Variants in CLEC16A observed in about 807,000 individuals in gnomAD.
CLEC16A encodes protein CLEC16A.
Under a neutral mutation model 109.5 loss-of-function variants are expected in CLEC16A, and 51 were observed. The observed-to-expected ratio is 0.47, with a 90% CI of 0.37 to 0.59. The LOEUF is 0.59. Among genes scored for constraint, CLEC16A ranks in the 20% least tolerant of loss-of-function variants. The pLI is 0.00. For missense variants in CLEC16A, 1,339 were observed against 1,394.0 expected, an observed-to-expected ratio of 0.96 and a Z score of 0.63; for synonymous variants, 673 against 564.2, an observed-to-expected ratio of 1.19 and a Z score of -2.73.
Position 10,944,598 on chromosome 16 carries a change from C to A in CLEC16A, c.-120C>A, listed in dbSNP as rs1008448907. ...CTGTGGGCCGGGGAGGAAGGCGGCT[C>A]GCGGTTCCTCCACCGCCTCCGCCGC... is the stretch of plus-strand genomic sequence containing the variant. On this transcript the variant is annotated 5_prime_UTR_variant, in exon 1 of 24. Transcript: ENST00000409790. The A allele has an allele frequency of 1.0e-6, 1 of 959,492 alleles. No homozygotes were observed. The highest frequency in any genetic ancestry group is 1.5e-6 in the Non-Finnish European group (1 of 645,590). The allele number at this position is 959,492 out of a possible 1,614,324, so 59.4% of individuals were successfully genotyped here.
chr16:11,082,379 G>C (rs890294867), intron 19 of CLEC16A, among the ~76,000 whole-genome samples: 1 of 152,222 alleles, frequency 6.6e-6, no homozygotes, highest in Non-Finnish European at 1.5e-5. Context: ...CTAGGGTCCG[G>C]TCTTTCAATT....
At chr16:11,042,117 G>T (rs958047354) in intron 14 of CLEC16A, 137 bp from the exon 15 acceptor site, 13 of 625,194 alleles carry the variant, frequency 2.1e-5, no homozygotes, top group Non-Finnish European at 3.2e-5. Flanking sequence ...TTCCCACTGT[G>T]TCCCCACTGG....
At chr16:10,990,012 C>T (rs2043908168) in intron 10 of CLEC16A, among the ~76,000 whole-genome samples, 1 of 152,188 alleles carries the variant, frequency 6.6e-6, no homozygotes, top group Non-Finnish European at 1.5e-5. Context: ...TACTCATGAT[C>T]CCCCAGCTAA....
intron 9 of CLEC16A, among the ~76,000 whole-genome samples, chr16:10,980,810 A>C (rs1202196795): frequency 1.3e-5 from 2 of 152,144 alleles, no homozygotes; most frequent in African/African-American, 4.8e-5. Flanking sequence ...ATGTGACCTA[A>C]ATGTGTGAAA....
chr16:11,105,457 A>C (rs1246514697), intron 19 of CLEC16A, among the ~76,000 whole-genome samples: 7 of 152,226 alleles, frequency 4.6e-5, no homozygotes, highest in Non-Finnish European at 1.5e-5. Context: ...GGAGGGTAAA[A>C]TTCTCATCCT....
intron 10 of CLEC16A, among the ~76,000 whole-genome samples, chr16:10,997,214 A>C (rs766773978): frequency 6.6e-6 from 1 of 152,194 alleles, no homozygotes; most frequent in Non-Finnish European, 1.5e-5. Flanking sequence ...CTCCTGCCTT[A>C]GCCTCCCCAG....
Position 10,970,155 on chromosome 16 carries a change from C to T in CLEC16A, c.492+846C>T, listed in dbSNP as rs1366053312. On this transcript the variant is annotated intron_variant, in intron 4 of 23. Transcript: ENST00000409790. ...TCATCCTGTGGTTCAACAGTATCAG[C>T]GAGGACCCAGGCTTTCCCATCTTGC... Among the ~76,000 whole-genome samples, 10 of 152,296 alleles carry T rather than the reference C, an allele frequency of 6.6e-5. 1 individual carries two copies. Among genetic ancestry groups the T allele is most frequent in the South Asian group, 6.2e-4 (3 of 4,824 alleles).
chr16:11,065,445 G>C (rs549619800), intron 19 of CLEC16A, among the ~76,000 whole-genome samples: 4 of 152,312 alleles, frequency 2.6e-5, no homozygotes, highest in African/African-American at 9.6e-5. Flanking sequence ...ATTCAATGAA[G>C]ACCCATTCAT....
rs1014519644 is a variant in CLEC16A, at chr16:11,160,299, C to G, written c.2642-6089C>G. ...ACTAGTTTTTGTGCCTACACACATC[C>G]AAGCCCTTCCCACCCTTTAGTCTCT... On this transcript the variant is annotated intron_variant, in intron 22 of 23. Transcript: ENST00000409790. Among the ~76,000 whole-genome samples, 3 of 152,142 alleles carry G rather than the reference C, an allele frequency of 2.0e-5. No homozygotes were observed. In the East Asian group the frequency reaches 5.8e-4, roughly 29 times the overall value.
At position 11,180,668 on chromosome 16, in the gene CLEC16A, ACT is replaced by A. The variant is rs1400923714; in HGVS notation, c.*1981_*1982del. ...GACATGCACTTCTGGTTTTGAAATG[ACT>A]CTGTCTGTGGGGCAGCAGAAACTAG... On this transcript the variant is annotated 3_prime_UTR_variant, in exon 24 of 24. Transcript: ENST00000409790. The A allele has an allele frequency of 3.9e-5, 6 of 152,130 alleles. No individual in the cohort carries two copies. Among genetic ancestry groups the A allele is most frequent in the Non-Finnish European group, 8.8e-5 (6 of 68,074 alleles). The allele number at this position is 152,130 out of a possible 1,614,324, so 9.4% of individuals were successfully genotyped here.
At chr16:10,979,875 C>G (rs1230993027) in intron 9 of CLEC16A, among the ~76,000 whole-genome samples, 4 of 152,158 alleles carry the variant, frequency 2.6e-5, no homozygotes, top group Non-Finnish European at 4.4e-5. Context: ...TTGTAGCAAC[C>G]TTAGCTCTCA....
rs958028924 is a variant in CLEC16A, at chr16:10,961,805, T to A, written c.210-650T>A. On this transcript the variant is annotated intron_variant, in intron 2 of 23. Coordinates refer to ENST00000409790, the MANE Select transcript of CLEC16A (RefSeq NM_015226.3). The surrounding 1 kb of genome is among the most constrained non-coding windows in gnomAD (Gnocchi z 4.3). The stretch of plus-strand genomic sequence containing the variant: ...GTTCCGTGACTCTTTTTTAGTCTTC[T>A]GTTGTTTTTACGACCCTGAAAGTTT... Among the ~76,000 whole-genome samples the A allele has an allele frequency of 3.9e-5, 6 of 152,206 alleles. No homozygotes were observed. The highest frequency in any genetic ancestry group is 3.9e-4 in the Admixed American group (6 of 15,288).
chr16:11,043,512 C>T (rs553655379), intron 15 of CLEC16A, among the ~76,000 whole-genome samples: 1 of 152,176 alleles, frequency 6.6e-6, no homozygotes, highest in Admixed American at 6.5e-5. Context: ...AATCGAATTA[C>T]CTATCCTTTC....
chr16:11,176,399 A>T (rs1040188542), intron 23 of CLEC16A, among the ~76,000 whole-genome samples: 4 of 150,348 alleles, frequency 2.7e-5, no homozygotes, highest in African/African-American at 9.7e-5. Context: ...TTTCCTCTAG[A>T]TCTCTCTCTC....
intron 22 of CLEC16A, chr16:11,156,623 C>G (rs968046867): frequency 1.5e-6 from 2 of 1,304,196 alleles, no homozygotes; most frequent in African/African-American, 3.0e-5. Context: ...CGCTCCCAAG[C>G]TTGCTAGTGC....
chr16:10,985,349 GA>G (rs2043578643), intron 10 of CLEC16A, among the ~76,000 whole-genome samples: 1 of 151,882 alleles, frequency 6.6e-6, no homozygotes, highest in South Asian at 2.1e-4. Context: ...AATTTAGGAA[GA>G]AAAGTCCAGA....
At chr16:10,949,037 TGGAGCAAGAGTG>T (rs2041585211) in intron 1 of CLEC16A, among the ~76,000 whole-genome samples, 2 of 152,060 alleles carry the variant, frequency 1.3e-5, no homozygotes, top group Non-Finnish European at 2.9e-5. Context: ...TTCCCTTCCC[TGGAGCAAGAGTG>T]GGATTAGCTC....
chr16:11,090,966 A>T (rs943820593), intron 19 of CLEC16A, among the ~76,000 whole-genome samples: 1 of 151,934 alleles, frequency 6.6e-6, no homozygotes, highest in Non-Finnish European at 1.5e-5. Context: ...CACGGTGCCC[A>T]GCCTATTTTA....
Position 11,174,559 on chromosome 16 carries a change from G to A in CLEC16A, c.2807-3776G>A, listed in dbSNP as rs2068667447. 1.3e-5 allele frequency among the ~76,000 whole-genome samples: 2 copies of A among 152,246 alleles called. No homozygotes were observed. The highest frequency in any genetic ancestry group is 2.9e-5 in the Non-Finnish European group (2 of 68,048). ...CAGACCTGTACAGCCTGGAAACGCT[G>A]TCCTTCTCTGTGACATGTGCACCAG... is the stretch of plus-strand genomic sequence containing the variant. On this transcript the variant is annotated intron_variant, in intron 23 of 23. Transcript: ENST00000409790. The surrounding 1 kb of genome is among the most constrained non-coding windows in gnomAD (Gnocchi z 4.7).
Sources: allele counts gnomAD v4.1 joint callset (sites outside exome capture counted in the v4.1 genomes callset), GRCh38; gene constraint gnomAD v4.1.1; non-coding constraint Gnocchi (gnomAD v3.1); transcripts MANE v1.5; gene names NCBI Gene and HGNC (gene_info 2026-07-23, HGNC 2026-07-21).